The following SND1 variants were observed in gnomAD, a reference collection of about 807,000 sequenced individuals.
SND1 encodes the protein staphylococcal nuclease and tudor domain containing 1.
SND1 carries 38 observed loss-of-function variants against 121.7 expected under a neutral mutation model. That is an observed-to-expected ratio of 0.31 (90% CI 0.24 to 0.41). The LOEUF (loss-of-function observed/expected upper bound fraction) is 0.41, where lower values mean the gene tolerates loss of function less well. SND1 is among the 10% of genes least tolerant of loss of function. The pLI is 1.00. For synonymous variants in SND1, 401 were observed against 447.4 expected (o/e 0.90, Z 1.31); for missense variants, 868 against 1,184.6 (o/e 0.73, Z 3.92).
chr7:127,695,747 G>A (rs925168340), intron 3 of SND1, among the ~76,000 whole-genome samples: 1 of 152,168 alleles, frequency 6.6e-6, no homozygotes, highest in African/African-American at 2.4e-5. Context: ...AATCACCTGA[G>A]TCTGGGAGGT....
At chr7:127,960,594 G>A (rs990662968) in intron 15 of SND1, among the ~76,000 whole-genome samples, 1 of 152,170 alleles carries the variant, frequency 6.6e-6, no homozygotes, top group Non-Finnish European at 1.5e-5. Flanking sequence ...CAATCAGCCT[G>A]GTTATATGAG....
intron 10 of SND1, among the ~76,000 whole-genome samples, chr7:127,792,723 C>T (rs758853817): frequency 6.6e-6 from 1 of 152,154 alleles, no homozygotes; most frequent in East Asian, 1.9e-4. Flanking sequence ...ACCCAGACCT[C>T]CCAGGAGTGC....
chr7:127,963,073 T>A (rs939900134), intron 15 of SND1, among the ~76,000 whole-genome samples: 2 of 152,138 alleles, frequency 1.3e-5, no homozygotes, highest in Non-Finnish European at 2.9e-5. Context: ...TCTAAGTTGT[T>A]AAACAGCCTT....
intron 15 of SND1, among the ~76,000 whole-genome samples, chr7:127,971,046 G>A (rs1801974468): frequency 1.3e-5 from 2 of 152,220 alleles, no homozygotes; most frequent in Non-Finnish European, 2.9e-5. Flanking sequence ...CACAAAAGCA[G>A]TGAATTCAAA....
intron 11 of SND1, among the ~76,000 whole-genome samples, chr7:127,842,449 G>A (rs967333852): frequency 6.6e-6 from 1 of 152,090 alleles, no homozygotes; most frequent in Non-Finnish European, 1.5e-5. Flanking sequence ...GTGTATTCTA[G>A]GGTTAAACCA....
intron 10 of SND1, among the ~76,000 whole-genome samples, chr7:127,785,065 G>A (rs1159146876): frequency 6.6e-6 from 1 of 152,168 alleles, no homozygotes; most frequent in Admixed American, 6.5e-5. Flanking sequence ...TGGGACTACA[G>A]GGACACAGCA....
intron 12 of SND1, among the ~76,000 whole-genome samples, chr7:127,852,164 A>AAAATAAAATAAAATAAAAT (rs1799175547): frequency 8.9e-6 from 1 of 111,874 alleles, no homozygotes; most frequent in South Asian, 2.2e-4. Flanking sequence ...AGTCTCCAAA[A>AAAATAAAATAAAATAAAAT]AAATAAAATA....
At chr7:127,739,048 G>C (rs1309692633) in intron 10 of SND1, among the ~76,000 whole-genome samples, 1 of 152,164 alleles carries the variant, frequency 6.6e-6, no homozygotes, top group Non-Finnish European at 1.5e-5. Flanking sequence ...AGCGACATTG[G>C]CTCCCTCTGG....
chr7:127,904,937 C>G (rs1358323647), intron 14 of SND1, 118 bp downstream of exon 14: 1 of 676,106 alleles, frequency 1.5e-6, no homozygotes, highest in Non-Finnish European at 2.7e-6. Flanking sequence ...CAGGCACTGA[C>G]TGTGACTTTT....
intron 16 of SND1, among the ~76,000 whole-genome samples, chr7:128,059,447 A>T (rs943988573): frequency 6.6e-6 from 1 of 152,190 alleles, no homozygotes; most frequent in African/African-American, 2.4e-5. Flanking sequence ...AGATAACAAA[A>T]ACCCATTTCT....
intron 12 of SND1, among the ~76,000 whole-genome samples, chr7:127,871,806 G>A (rs1404086547): frequency 2.0e-5 from 3 of 152,072 alleles, no homozygotes; most frequent in South Asian, 2.1e-4. Context: ...CATGCACTAC[G>A]TGACTATTAA....
At chr7:127,743,100 C>T (rs992832053) in intron 10 of SND1, among the ~76,000 whole-genome samples, 3 of 152,038 alleles carry the variant, frequency 2.0e-5, no homozygotes, top group Non-Finnish European at 4.4e-5. Flanking sequence ...ACTCTTTTGC[C>T]ATCCCCATTG....
chr7:127,741,815 A>C (rs1013348714), intron 10 of SND1, among the ~76,000 whole-genome samples: 3 of 152,184 alleles, frequency 2.0e-5, no homozygotes, highest in African/African-American at 7.2e-5. Context: ...GGGGTAGCTC[A>C]GATCTCCTTA....
chr7:127,804,544 C>T (rs1181977283), intron 10 of SND1, among the ~76,000 whole-genome samples: 1 of 152,152 alleles, frequency 6.6e-6, no homozygotes, highest in Non-Finnish European at 1.5e-5. Flanking sequence ...AACAGTGTTT[C>T]TTACCTTTTA....
chr7:127,980,333 G>A lies in SND1; in HGVS notation c.1670-10614G>A, dbSNP rs1584712910. The stretch of plus-strand genomic sequence containing the variant: ...GACGGGGTTTCACCGTTTTAGCCGG[G>A]ATGGTCTCGATCTCCTGACCTCGTG... On this transcript the variant is annotated intron_variant, in intron 15 of 23. Transcript: ENST00000354725. Among the ~76,000 whole-genome samples, 3 of 20,866 alleles carry A rather than the reference G, an allele frequency of 1.4e-4. 1 individual carries two copies. In the South Asian group the frequency reaches 2.9e-3, roughly 20 times the overall value. The allele number at this position is 20,866 out of a possible 152,430, so 13.7% of individuals were successfully genotyped here.
chr7:127,952,117 T>C (rs1801475622), intron 15 of SND1, among the ~76,000 whole-genome samples: 1 of 152,224 alleles, frequency 6.6e-6, no homozygotes, highest in African/African-American at 2.4e-5. Flanking sequence ...TTTGTGTTGC[T>C]TGTCTCTATT....
chr7:127,773,369 G>A (rs578179476), intron 10 of SND1, among the ~76,000 whole-genome samples: 117 of 152,030 alleles, frequency 7.7e-4, no homozygotes, highest in Non-Finnish European at 1.3e-3. Context: ...GAGGAATCGC[G>A]TGAATCCGGG....
chr7:127,887,836 A>T lies in SND1; in HGVS notation c.1344-66A>T, dbSNP rs537258452. 7.6e-6 allele frequency: 8 copies of T among 1,057,436 alleles called. No individual in the cohort carries two copies. In the African/African-American group the frequency reaches 9.4e-5, roughly 12 times the overall value. 65.5% of individuals were successfully genotyped at this position (1,057,436 alleles called of 1,614,324 possible). On this transcript the variant is annotated intron_variant, in intron 12 of 23. Transcript: ENST00000354725. ...TTAAGACCTCCAGGTGCTAACTGTTATTATTTCTGTTGACTGAGCCCCATA... is the reference window on the plus strand; with the variant it reads ...TTAAGACCTCCAGGTGCTAACTGTTTTTATTTCTGTTGACTGAGCCCCATA...
chr7:127,932,294 G>A (rs1024889710), intron 15 of SND1, among the ~76,000 whole-genome samples: 3 of 152,214 alleles, frequency 2.0e-5, no homozygotes, highest in African/African-American at 7.2e-5. Context: ...AGACTTCAAT[G>A]GAGGAAGTAA....
Sources: allele counts gnomAD v4.1 joint callset (sites outside exome capture counted in the v4.1 genomes callset), GRCh38; gene constraint gnomAD v4.1.1; transcripts MANE v1.5; gene names NCBI Gene and HGNC (gene_info 2026-07-23, HGNC 2026-07-21).